The following TET1 variants were observed in gnomAD, a reference collection of about 807,000 sequenced individuals.
The protein encoded by TET1 is tet methylcytosine dioxygenase 1.
A neutral mutation model predicts 148.7 loss-of-function variants in TET1; 13 were observed. The observed-to-expected ratio is 0.09, with a 90% confidence interval of 0.06 to 0.14. TET1 has a LOEUF of 0.14. Ranked by LOEUF, TET1 falls within the 10% of genes least tolerant of loss-of-function variation. TET1 has a pLI of 1.00. For synonymous variants in TET1, 907 were observed against 937.2 expected (o/e 0.97, Z 0.59); for missense variants, 2,182 against 2,553.8 (o/e 0.85, Z 3.14).
chr10:68,569,166 C>CTTTTTTTTTTTTTTTTTTTTTT (rs34385747), intron 1 of TET1, among the ~76,000 whole-genome samples: 9 of 69,778 alleles, frequency 1.3e-4, no homozygotes, highest in Non-Finnish European at 1.9e-4. Context: ...AGGAGAGTTT[C>CTTTTTTTTTTTTTTTTTTTTTT]TTTTTTTTTT....
chr10:68,608,525 G>A lies in TET1; in HGVS notation c.1968+7491G>A, dbSNP rs1043791573. Among the ~76,000 whole-genome samples, 9 of 151,784 alleles carry A rather than the reference G, an allele frequency of 5.9e-5. No homozygotes were observed. The South Asian group carries it at 1.0e-3, about 18-fold the overall frequency. ...GCTGGGATTATAGGCGTGAGCCACCGCGCCAGGCCTATTATTTATTTATTT... is the reference window on the plus strand; with the variant it reads ...GCTGGGATTATAGGCGTGAGCCACCACGCCAGGCCTATTATTTATTTATTT... On this transcript the variant is annotated intron_variant, in intron 3 of 11. Transcript: ENST00000373644.
chr10:68,638,538 G>A (rs573602717), intron 3 of TET1, among the ~76,000 whole-genome samples: 1 of 152,188 alleles, frequency 6.6e-6, no homozygotes, highest in Non-Finnish European at 1.5e-5. Flanking sequence ...AGGGTTATTA[G>A]GGAAAAAAAT....
At position 68,684,213 on chromosome 10, in the gene TET1, C is replaced by T. The variant is rs140369804; in HGVS notation, c.5052+1240C>T. Among the ~76,000 whole-genome samples, 196 of 151,972 alleles carry T rather than the reference C, an allele frequency of 1.3e-3. 1 individual carries two copies. The highest frequency in any genetic ancestry group is 4.5e-3 in the African/African-American group (186 of 41,428). On this transcript the variant is annotated intron_variant, in intron 10 of 11. Transcript: ENST00000373644. ...TAGACCAGCCTGGGCAATAAGACCC[C>T]GTCTCTTTAAAATATACAATTTTTA...
chr10:68,563,513 T>G (rs2053576123), intron 1 of TET1, among the ~76,000 whole-genome samples: 2 of 152,250 alleles, frequency 1.3e-5, no homozygotes, highest in South Asian at 4.1e-4. Context: ...TACCACGTTT[T>G]TGGCCACTGC....
Position 68,573,864 on chromosome 10 carries a change from C to T in TET1, c.1526C>T (p.Pro509Leu), listed in dbSNP as rs754324920. Residue 509 changes from proline to leucine, a missense_variant, in exon 2 of 12, where the codon CCA becomes CTA. By Grantham distance (98) the Pro-to-Leu change is moderately conservative. Around this residue, in one of 11 missense-constraint regions of TET1, gnomAD observed 665 missense variants for 672.4 expected, o/e 0.99. Transcript: ENST00000373644. ...AAGCAGGTTCATATAAGCTTCCTGC[C>T]AGCTAACACTCAGGGGTTCCCATTA... The part of the protein sequence containing the change: ...NEKQVHISFL[P>L]ANTQGFPLAP... The T allele has an allele frequency of 6.2e-7, 1 of 1,613,990 alleles. No individual in the cohort carries two copies. Among genetic ancestry groups the T allele is most frequent in the African/African-American group, 1.3e-5 (1 of 74,894 alleles).
In TET1 at chr10:68,694,148, T is replaced by C. The variant is rs1433812542; in HGVS notation, c.*2334T>C. 3 of 232,620 alleles carry C rather than the reference T, an allele frequency of 1.3e-5. No individual in the cohort carries two copies. Among genetic ancestry groups the C allele is most frequent in the Admixed American group, 5.6e-5 (1 of 17,756 alleles). The allele number at this position is 232,620 out of a possible 1,614,324, so 14.4% of individuals were successfully genotyped here. ...ACATCAATGTTAATTTTTGGAACTA[T>C]TGGGATTTGTGACGCTTGTTGCAGT... is the stretch of plus-strand genomic sequence containing the variant. On this transcript the variant is annotated 3_prime_UTR_variant, in exon 12 of 12. Coordinates refer to ENST00000373644, the MANE Select transcript of TET1 (RefSeq NM_030625.3).
rs563972057 is a variant in TET1 at position 68,575,798 on chromosome 10, G to A, written c.1914+1546G>A. 2.3e-3 allele frequency among the ~76,000 whole-genome samples: 348 copies of A among 152,036 alleles called. 3 individuals carry two copies. Among genetic ancestry groups the A allele is most frequent in the African/African-American group, 7.7e-3 (318 of 41,500 alleles). ...GTACTTTGGGAGGCCGAGGTGGGCC[G>A]ATCACAAGGTCAGGAGATCGAGACC... On this transcript the variant is annotated intron_variant, in intron 2 of 11. Coordinates refer to ENST00000373644, the MANE Select transcript of TET1 (RefSeq NM_030625.3).
chr10:68,597,136 T>C (rs905462372), intron 2 of TET1, among the ~76,000 whole-genome samples: 1 of 148,652 alleles, frequency 6.7e-6, no homozygotes, highest in African/African-American at 2.5e-5. Flanking sequence ...CAGGTTCAAG[T>C]GATCCTCCTG....
intron 3 of TET1, chr10:68,632,415 C>T (rs2054587619): frequency 6.2e-7 from 1 of 1,611,648 alleles, no homozygotes; most frequent in East Asian, 2.2e-5. Context: ...AGAGGAAGTC[C>T]CTTAAGCTCC....
chr10:68,605,000 C>T (rs2132890035), intron 3 of TET1, among the ~76,000 whole-genome samples: 2 of 152,244 alleles, frequency 1.3e-5, no homozygotes. Flanking sequence ...AAAATATCAT[C>T]AGAGTAGTAT....
intron 3 of TET1, among the ~76,000 whole-genome samples, chr10:68,644,165 A>C (rs1228283489): frequency 2.6e-5 from 4 of 151,252 alleles, no homozygotes; most frequent in Admixed American, 2.0e-4. Flanking sequence ...GGCCTCCCAA[A>C]GTGCTAGGAT....
At chr10:68,634,446 CTT>C (rs1243984648) in intron 3 of TET1, among the ~76,000 whole-genome samples, 1 of 152,184 alleles carries the variant, frequency 6.6e-6, no homozygotes, top group East Asian at 1.9e-4. Flanking sequence ...TTCATTGTAA[CTT>C]TAATTCAGTG....
rs1204580185 is a variant in TET1, at chr10:68,681,429, T to A, written c.4855T>A (p.Leu1619Met). The change falls in exon 9 of 12, where the codon TTG (leucine) becomes ATG (methionine). Residue 1619 changes from leucine (L) to methionine (M), a missense_variant. Coordinates refer to ENST00000373644, the MANE Select transcript of TET1 (RefSeq NM_030625.3). ...AAACCTTGAAGATAACTTACAGAGTTTGGCTACACGATTAGCTCCAATTTA... is the reference window on the plus strand; with the variant it reads ...AAACCTTGAAGATAACTTACAGAGTATGGCTACACGATTAGCTCCAATTTA... ...EKNLEDNLQS[L>M]ATRLAPIYKQ... 6.2e-7 allele frequency: 1 copy of A among 1,613,934 alleles called. No individual in the cohort carries two copies. The highest frequency in any genetic ancestry group is 2.2e-5 in the East Asian group (1 of 44,846).
intron 3 of TET1, among the ~76,000 whole-genome samples, chr10:68,610,270 G>A (rs568465652): frequency 2.0e-5 from 3 of 151,950 alleles, no homozygotes; most frequent in Admixed American, 6.6e-5. Context: ...GTGACAGTGC[G>A]AGACTCTGTC....
At chr10:68,592,211 G>C (rs941146363) in intron 2 of TET1, among the ~76,000 whole-genome samples, 3 of 151,992 alleles carry the variant, frequency 2.0e-5, no homozygotes, top group African/African-American at 7.2e-5. Flanking sequence ...AGCTACTCGG[G>C]AGGCTGAGGC....
At chr10:68,687,007 C>T (rs1003661335) in intron 11 of TET1, among the ~76,000 whole-genome samples, 4 of 151,832 alleles carry the variant, frequency 2.6e-5, no homozygotes, top group African/African-American at 4.8e-5. Flanking sequence ...CCTGCCTCAG[C>T]GTCCTGCTTA....
intron 3 of TET1, among the ~76,000 whole-genome samples, chr10:68,602,521 T>C (rs890071298): frequency 1.3e-5 from 2 of 152,234 alleles, no homozygotes; most frequent in South Asian, 2.1e-4. Flanking sequence ...CTAGTATCTA[T>C]GTCTTCCCCT....
intron 3 of TET1, among the ~76,000 whole-genome samples, chr10:68,638,870 CA>C (rs2054696032): frequency 6.6e-6 from 1 of 150,638 alleles, no homozygotes; most frequent in Non-Finnish European, 1.5e-5. Context: ...AATAAAACAC[CA>C]CATTGCTCCT....
At chr10:68,630,002 G>C (rs61868101) in intron 3 of TET1, among the ~76,000 whole-genome samples, 2 of 152,150 alleles carry the variant, frequency 1.3e-5, no homozygotes, top group African/African-American at 4.8e-5. Context: ...ATATTTGTCA[G>C]AACAACCACT....
Sources: allele counts gnomAD v4.1 joint callset (sites outside exome capture counted in the v4.1 genomes callset), GRCh38; gene constraint gnomAD v4.1.1; regional missense constraint gnomAD v4.1.1; transcripts MANE v1.5; gene names NCBI Gene and HGNC (gene_info 2026-07-23, HGNC 2026-07-21).